Variants in MSL2 observed in about 807,000 individuals in gnomAD.
The protein encoded by MSL2 is E3 ubiquitin-protein ligase MSL2.
A neutral mutation model predicts 35.8 loss-of-function variants in MSL2; 2 were observed. That is an observed-to-expected ratio of 0.06 (90% CI 0.02 to 0.18). The LOEUF is 0.18. Ranked by LOEUF, MSL2 falls within the 10% of genes least tolerant of loss-of-function variation. The pLI is 1.00. For missense variants in MSL2, 523 were observed against 706.7 expected (o/e 0.74, Z 2.95); for synonymous variants, 296 against 255.7 (o/e 1.16, Z -1.50).
intron 1 of MSL2, among the ~76,000 whole-genome samples, chr3:136,169,989 T>C (rs1939975632): frequency 2.7e-5 from 4 of 150,782 alleles, no homozygotes. Context: ...AGGTGAAAGA[T>C]GCAGTGATCC....
intron 1 of MSL2, among the ~76,000 whole-genome samples, chr3:136,160,791 A>G (rs1426609485): frequency 6.6e-6 from 1 of 152,136 alleles, no homozygotes; most frequent in East Asian, 1.9e-4. Context: ...TCACCAAAGA[A>G]AATATATGAA....
chr3:136,166,332 G>A (rs1939851816), intron 1 of MSL2, among the ~76,000 whole-genome samples: 1 of 151,800 alleles, frequency 6.6e-6, no homozygotes, highest in African/African-American at 2.4e-5. Context: ...AGGTGGCAGT[G>A]AGACAAGATC....
At chr3:136,170,724 C>T (rs955861384) in intron 1 of MSL2, among the ~76,000 whole-genome samples, 5 of 151,690 alleles carry the variant, frequency 3.3e-5, no homozygotes, top group Non-Finnish European at 7.4e-5. Flanking sequence ...AGGATGGTCT[C>T]GATCTCTTGA....
chr3:136,156,111 G>GT, intron 1 of MSL2: 1 of 192,616 alleles, frequency 5.2e-6, no homozygotes, highest in South Asian at 9.6e-5. Flanking sequence ...CTGGAGTCCA[G>GT]TATTTCTTGA....
chr3:136,185,807 G>A (rs1940504497), intron 1 of MSL2, among the ~76,000 whole-genome samples: 1 of 152,118 alleles, frequency 6.6e-6, no homozygotes, highest in African/African-American at 2.4e-5. Flanking sequence ...CGCCTGGCCA[G>A]GACCCAACTC....
chr3:136,172,041 G>T (rs1940039502), intron 1 of MSL2, among the ~76,000 whole-genome samples: 1 of 152,030 alleles, frequency 6.6e-6, no homozygotes, highest in African/African-American at 2.4e-5. Context: ...ACAACTCCTG[G>T]CTCAAGCGAT....
intron 1 of MSL2, among the ~76,000 whole-genome samples, chr3:136,169,122 A>T (rs1407320296): frequency 6.6e-6 from 1 of 150,688 alleles, no homozygotes; most frequent in African/African-American, 2.4e-5. Context: ...GAAACGCTGC[A>T]AACAGAAAAT....
Position 136,149,592 on chromosome 3 carries a change from A to G in MSL2, c.*1555T>C, listed in dbSNP as rs1328059099. 3 of 150,142 alleles carry G rather than the reference A, an allele frequency of 2.0e-5. No individual in the cohort carries two copies. Among genetic ancestry groups the G allele is most frequent in the African/African-American group, 7.3e-5 (3 of 41,094 alleles). 9.3% of individuals were successfully genotyped at this position (150,142 alleles called of 1,614,324 possible). ...CCCACCCCACCAAAAGAGACCAAAA[A>G]AAAAAAAAGAAAAAAAAGCCCAACA... is the stretch of plus-strand genomic sequence containing the variant. On this transcript the variant is annotated 3_prime_UTR_variant, in exon 2 of 2. Transcript: ENST00000309993.
At chr3:136,156,911 C>G (rs1227933722) in intron 1 of MSL2, among the ~76,000 whole-genome samples, 1 of 152,124 alleles carries the variant, frequency 6.6e-6, no homozygotes, top group East Asian at 1.9e-4. Context: ...CTATGCAATC[C>G]TTTTAACTGT....
At chr3:136,192,014 CAGA>C (rs1940703499) in intron 1 of MSL2, among the ~76,000 whole-genome samples, 1 of 152,078 alleles carries the variant, frequency 6.6e-6, no homozygotes, top group African/African-American at 2.4e-5. Flanking sequence ...GAATGTGAAG[CAGA>C]AGAAATACAA....
At chr3:136,155,568 G>A (rs1475752609) in intron 1 of MSL2, 4 of 281,250 alleles carry the variant, frequency 1.4e-5, no homozygotes, top group Admixed American at 8.1e-5. Flanking sequence ...GGGAGACCTG[G>A]CCTTCAGAGA....
At chr3:136,185,398 A>T (rs1940490338) in intron 1 of MSL2, among the ~76,000 whole-genome samples, 1 of 152,190 alleles carries the variant, frequency 6.6e-6, no homozygotes, top group Admixed American at 6.5e-5. Context: ...AAAATCATTC[A>T]AGTCATCATA....
chr3:136,190,142 C>T (rs781551558), intron 1 of MSL2, among the ~76,000 whole-genome samples: 6 of 152,112 alleles, frequency 3.9e-5, no homozygotes, highest in Non-Finnish European at 7.4e-5. Flanking sequence ...GCTTAAGTGC[C>T]TCTACTCAGC....
intron 1 of MSL2, among the ~76,000 whole-genome samples, chr3:136,156,787 G>C (rs1424190762): frequency 6.6e-6 from 1 of 152,140 alleles, no homozygotes; most frequent in Non-Finnish European, 1.5e-5. Context: ...CCCAGGAGGC[G>C]GAGCTTGCAG....
rs370544956 is a variant in MSL2 at position 136,151,543 on chromosome 3, T to C, written c.1338A>G (p.Gly446=). 22 of 1,614,124 alleles carry C rather than the reference T, an allele frequency of 1.4e-5. No individual in the cohort carries two copies. The highest frequency in any genetic ancestry group is 1.8e-5 in the Non-Finnish European group (21 of 1,180,052). ...EKIPSHHFMP[G]SPTKTVYKKP... The stretch of plus-strand genomic sequence containing the variant: ...TTTTGTACACAGTCTTGGTAGGACT[T>C]CCTGGCATAAAATGATGACTAGGAA... The change falls in exon 2 of 2, where the codon GGA becomes GGG. Residue 446 remains glycine (G), a synonymous_variant. Coordinates refer to ENST00000309993, the MANE Select transcript of MSL2 (RefSeq NM_018133.4). The surrounding 1 kb of genome is among the most constrained non-coding windows in gnomAD (Gnocchi z 5.2).
chr3:136,193,048 GGAT>G (rs1940735254), intron 1 of MSL2, among the ~76,000 whole-genome samples: 1 of 152,120 alleles, frequency 6.6e-6, no homozygotes, highest in African/African-American at 2.4e-5. Flanking sequence ...CTTTTCCATA[GGAT>G]GATGTGAAAT....
At chr3:136,168,756 T>TA (rs76792710) in intron 1 of MSL2, among the ~76,000 whole-genome samples, 2,098 of 142,270 alleles carry the variant, frequency 0.015, 28 homozygotes, top group African/African-American at 0.037. Context: ...AGTATAATAA[T>TA]AAAAAAAAAA....
chr3:136,177,098 T>G (rs1940200670), intron 1 of MSL2, among the ~76,000 whole-genome samples: 1 of 152,162 alleles, frequency 6.6e-6, no homozygotes, highest in Admixed American at 6.5e-5. Context: ...TCCACCCACT[T>G]TATTTTAGTA....
chr3:136,160,340 AGGG>A (rs1380269545), intron 1 of MSL2, among the ~76,000 whole-genome samples: 24 of 1,386 alleles, frequency 0.017, 1 homozygote, highest in East Asian at 0.17. Context: ...GGAAGGAAGG[AGGG>A]AGGGAGGGAG....
Sources: allele counts gnomAD v4.1 joint callset (sites outside exome capture counted in the v4.1 genomes callset), GRCh38; gene constraint gnomAD v4.1.1; non-coding constraint Gnocchi (gnomAD v3.1); transcripts MANE v1.5; gene names NCBI Gene and HGNC (gene_info 2026-07-23, HGNC 2026-07-21).